ITGAL: variants seen among roughly 807,000 people sequenced by gnomAD.
ITGAL encodes integrin alpha-L.
Under a neutral mutation model 138.4 loss-of-function variants are expected in ITGAL, and 68 were observed. That is an observed-to-expected ratio of 0.49 (90% confidence interval 0.40 to 0.60). The LOEUF (loss-of-function observed/expected upper bound fraction) is 0.60. ITGAL is among the 20% of genes least tolerant of loss of function. The probability of loss-of-function intolerance (pLI) is 0.00; values close to 1 mark genes in which losing one functional copy is unlikely to be tolerated. For synonymous variants in ITGAL, 561 were observed against 584.3 expected (o/e 0.96, Z 0.57); for missense variants, 1,256 against 1,478.6 (o/e 0.85, Z 2.47).
chr16:30,521,383 G>C (rs1216496452), intron 30 of ITGAL, 109 bp from the exon 31 acceptor site: 1 of 918,060 alleles, frequency 1.1e-6, no homozygotes, highest in East Asian at 2.7e-5. Context: ...CTCCAGCCTG[G>C]GCAACACAGT....
intron 17 of ITGAL, among the ~76,000 whole-genome samples, chr16:30,503,404 C>T (rs1160560638): frequency 2.0e-5 from 3 of 150,540 alleles, no homozygotes; most frequent in Non-Finnish European, 4.4e-5. Flanking sequence ...ACTCCAAGCT[C>T]TTAGGACAAC....
In ITGAL at chr16:30,496,555, G is replaced by C. The variant is rs2050803781; in HGVS notation, c.1821G>C (p.Met607Ile). The C allele has an allele frequency of 3.1e-6, 5 of 1,613,478 alleles. No individual in the cohort carries two copies. In the African/African-American group the frequency reaches 5.3e-5, roughly 17 times the overall value. The change falls in exon 15 of 31, where the codon ATG becomes ATC. Residue 607 changes from methionine to isoleucine, a missense_variant. Met to Ile is a conservative substitution (Grantham distance 10). Coordinates refer to ENST00000356798, the MANE Select transcript of ITGAL (RefSeq NM_002209.3). ...TGGCTGTGGGGGCTGAGAGCCAGAT[G>C]ATCGTGCTGAGGTGAGATGGGTCTC... ...ADVAVGAESQ[M>I]IVLSSRPVVD...
intron 17 of ITGAL, 31 bp from the exon 18 acceptor site, chr16:30,504,144 A>G (rs1182459409): frequency 2.0e-6 from 3 of 1,524,506 alleles, no homozygotes; most frequent in Non-Finnish European, 2.7e-6. Context: ...AGTTAGATTC[A>G]TGACATAGGC....
chr16:30,513,661 T>C (rs774110541), intron 24 of ITGAL, 110 bp from the exon 25 acceptor site: 1 of 767,904 alleles, frequency 1.3e-6, no homozygotes, highest in Non-Finnish European at 2.3e-6. Flanking sequence ...AGGGATTGAA[T>C]GAGATGGTAT....
chr16:30,518,773 G>C (rs1304833068), intron 29 of ITGAL, 54 bp downstream of exon 29: 2 of 1,354,442 alleles, frequency 1.5e-6, no homozygotes, highest in African/African-American at 2.9e-5. Context: ...GAGCCCAGGA[G>C]CCCCAGGGCA....
At chr16:30,506,647 A>C in intron 20 of ITGAL, 68 bp from the exon 21 acceptor site, 1 of 1,140,816 alleles carries the variant, frequency 8.8e-7, no homozygotes. Context: ...GGCCCACCAG[A>C]TCCCTCAGTT....
rs772672420 is a variant in ITGAL at position 30,521,656 on chromosome 16, C to T, written c.3504C>T (p.Gly1168=). The T allele has an allele frequency of 1.9e-6, 3 of 1,613,702 alleles. No individual in the cohort carries two copies. In the Admixed American group the frequency reaches 5.0e-5, roughly 27 times the overall value. ...AGAAGGACTCTGAGAGTGGTGGTGG[C>T]AAGGACTGAGTCCAGGCCTGTGAGG... is the stretch of plus-strand genomic sequence containing the variant. ...LHEKDSESGG[G]KD is the part of the protein sequence containing the mutation. Residue 1168 remains glycine (G), a synonymous_variant, in exon 31 of 31, where the codon GGC becomes GGT. Coordinates refer to ENST00000356798, the MANE Select transcript of ITGAL (RefSeq NM_002209.3).
intron 9 of ITGAL, among the ~76,000 whole-genome samples, chr16:30,487,456 C>T (rs950881918): frequency 6.6e-6 from 1 of 152,142 alleles, no homozygotes; most frequent in East Asian, 1.9e-4. Flanking sequence ...TGTCACCAGG[C>T]TGGAGTGCAG....
At chr16:30,481,402 T>C (rs2050558714) in intron 6 of ITGAL, 37 bp from the exon 7 acceptor site, 1 of 1,413,590 alleles carries the variant, frequency 7.1e-7, no homozygotes, top group Non-Finnish European at 9.9e-7. Flanking sequence ...TGGAAAGGGA[T>C]ATATAACTGA....
chr16:30,501,746 A>G (rs2050902362), intron 17 of ITGAL, among the ~76,000 whole-genome samples: 1 of 152,176 alleles, frequency 6.6e-6, no homozygotes. Flanking sequence ...AGTTTTTAAA[A>G]AAGTTAAAAC....
At chr16:30,497,073 G>A (rs1429724725) in intron 15 of ITGAL, among the ~76,000 whole-genome samples, 3 of 152,066 alleles carry the variant, frequency 2.0e-5, no homozygotes, top group Non-Finnish European at 2.9e-5. Flanking sequence ...AGCTGGGCAC[G>A]GTGGCTCACA....
rs768943900 is a variant in ITGAL at position 30,505,463 on chromosome 16, G to A, written c.2366+1G>A. 1 of 1,612,368 alleles carries A rather than the reference G, an allele frequency of 6.2e-7. No individual in the cohort carries two copies. Among genetic ancestry groups the A allele is most frequent in the Non-Finnish European group, 8.5e-7 (1 of 1,178,988 alleles). On this transcript the variant is annotated splice_donor_variant, in intron 20 of 30. Transcript: ENST00000356798. LOFTEE classifies it high-confidence loss of function. ...TGAGAGTGTCCTTCTCTCCTGCAAG[G>A]TCAGTAAGGCCTCCCACCCTCCAGC...
At chr16:30,509,909 C>T (rs1284703771) in intron 21 of ITGAL, among the ~76,000 whole-genome samples, 2 of 151,788 alleles carry the variant, frequency 1.3e-5, no homozygotes, top group Non-Finnish European at 2.9e-5. Context: ...CATGGTGGCA[C>T]ATCCCTGTAG....
intron 9 of ITGAL, among the ~76,000 whole-genome samples, chr16:30,486,408 CAAAAAAA>C (rs67561933): frequency 8.4e-6 from 1 of 118,838 alleles, no homozygotes; most frequent in Non-Finnish European, 1.8e-5. Context: ...AAAACTGTCT[CAAAAAAA>C]AAAAAAAAAT....
chr16:30,505,220 T>A (rs201874370), intron 18 of ITGAL, 24 bp from the exon 19 acceptor site: 7 of 1,564,876 alleles, frequency 4.5e-6, no homozygotes, highest in Non-Finnish European at 6.1e-6. Flanking sequence ...CCTCTCTCCA[T>A]CCTGCCCACT....
Position 30,499,709 on chromosome 16 carries a change from A to ATG in ITGAL, c.2145+221_2145+222insGT, listed in dbSNP as rs1269037606. ...TATGTATATATATGTGTATATATAT[A>ATG]TATGTATATATATATATATATATAT... is the stretch of plus-strand genomic sequence containing the variant. On this transcript the variant is annotated intron_variant, in intron 17 of 30. Coordinates refer to ENST00000356798, the MANE Select transcript of ITGAL (RefSeq NM_002209.3). Among the ~76,000 whole-genome samples the ATG allele has an allele frequency of 2.0e-3, 176 of 88,350 alleles. 1 individual carries two copies. In the East Asian group the frequency reaches 0.021, roughly 10 times the overall value. The allele number at this position is 88,350 out of a possible 152,430, so 58.0% of individuals were successfully genotyped here. A position where few individuals can be genotyped will look rare whatever the true frequency, so the allele number is the denominator to read the frequency against.
intron 24 of ITGAL, among the ~76,000 whole-genome samples, chr16:30,513,112 G>A (rs1329087521): frequency 5.3e-5 from 8 of 152,224 alleles, no homozygotes; most frequent in Non-Finnish European, 8.8e-5. Flanking sequence ...GAGAAAGTGC[G>A]GCTTGGACTG....
chr16:30,521,434 T>G, intron 30 of ITGAL, 58 bp from the exon 31 acceptor site: 2 of 1,520,768 alleles, frequency 1.3e-6, no homozygotes, highest in Non-Finnish European at 1.8e-6. Context: ...TCTCACATTT[T>G]CTTGGGGCCA....
At chr16:30,510,199 C>G (rs1264966067) in intron 21 of ITGAL, among the ~76,000 whole-genome samples, 162 bp from the exon 22 acceptor site, 2 of 152,112 alleles carry the variant, frequency 1.3e-5, no homozygotes, top group Non-Finnish European at 2.9e-5. Context: ...CTATTTTGTA[C>G]TAAGCCTCTG....
Sources: allele counts gnomAD v4.1 joint callset (sites outside exome capture counted in the v4.1 genomes callset), GRCh38; gene constraint gnomAD v4.1.1; transcripts MANE v1.5; gene names NCBI Gene and HGNC (gene_info 2026-07-23, HGNC 2026-07-21).